Variants in NALF1 observed in about 807,000 individuals in gnomAD.
NALF1 encodes NALCN channel auxiliary factor 1, also known as family with sequence similarity 155 member A.
Under a neutral mutation model 48.4 loss-of-function variants are expected in NALF1, and 3 were observed. The observed-to-expected ratio is 0.06, with a 90% CI of 0.03 to 0.16. The LOEUF is 0.16. Among genes scored for constraint, NALF1 ranks in the 10% least tolerant of loss-of-function variants. The pLI is 1.00. For missense variants in NALF1, 526 were observed against 571.5 expected (o/e 0.92, Z 0.81); for synonymous variants, 262 against 245.7 (o/e 1.07, Z -0.62).
chr13:107,553,355 T>G (rs1008691202), intron 1 of NALF1, among the ~76,000 whole-genome samples: 2 of 152,188 alleles, frequency 1.3e-5, no homozygotes, highest in Non-Finnish European at 2.9e-5. Context: ...CTTATATACA[T>G]GTTACCTGAC....
chr13:107,583,519 C>A (rs1484239949), intron 1 of NALF1, among the ~76,000 whole-genome samples: 1 of 152,110 alleles, frequency 6.6e-6, no homozygotes, highest in African/African-American at 2.4e-5. Context: ...TCCATCAGAA[C>A]AAGACTATTA....
At chr13:107,686,690 G>A (rs961180719) in intron 1 of NALF1, among the ~76,000 whole-genome samples, 7 of 152,096 alleles carry the variant, frequency 4.6e-5, no homozygotes, top group Admixed American at 3.3e-4. Context: ...GCCCACAATC[G>A]TGACAAAATG....
chr13:107,785,682 C>T (rs1756795863), intron 1 of NALF1, among the ~76,000 whole-genome samples: 1 of 152,134 alleles, frequency 6.6e-6, no homozygotes, highest in Non-Finnish European at 1.5e-5. Context: ...CACTTGTACC[C>T]CAATAACCTG....
At chr13:107,529,859 G>C (rs183639473) in intron 1 of NALF1, among the ~76,000 whole-genome samples, 2 of 152,154 alleles carry the variant, frequency 1.3e-5, no homozygotes, top group Admixed American at 1.3e-4. Context: ...GATGCAGTTG[G>C]CTAGTTACAA....
intron 1 of NALF1, among the ~76,000 whole-genome samples, chr13:107,682,166 T>C (rs1881321104): frequency 6.6e-6 from 1 of 152,216 alleles, no homozygotes; most frequent in Non-Finnish European, 1.5e-5. Flanking sequence ...CAGGCCCGCA[T>C]TGATTCCTCT....
At chr13:107,201,106 G>A (rs1045786012) in intron 2 of NALF1, among the ~76,000 whole-genome samples, 3 of 152,104 alleles carry the variant, frequency 2.0e-5, no homozygotes, top group Non-Finnish European at 4.4e-5. Flanking sequence ...CTTTCCATGT[G>A]ATCCCTTCCA....
intron 1 of NALF1, among the ~76,000 whole-genome samples, chr13:107,320,172 G>A (rs917745482): frequency 3.3e-5 from 5 of 151,992 alleles, no homozygotes; most frequent in East Asian, 1.9e-4. Flanking sequence ...TTTTAAAGAT[G>A]TGCCTAAAAA....
At chr13:107,479,834 T>C (rs1198550315) in intron 1 of NALF1, among the ~76,000 whole-genome samples, 2 of 152,164 alleles carry the variant, frequency 1.3e-5, no homozygotes, top group African/African-American at 2.4e-5. Context: ...TTAAGTAGAT[T>C]ATATTTCAAG....
intron 1 of NALF1, among the ~76,000 whole-genome samples, chr13:107,656,225 A>T (rs373652186): frequency 1.2e-4 from 18 of 152,204 alleles, no homozygotes; most frequent in East Asian, 5.8e-4. Context: ...TAACAGGACC[A>T]CAGAGTGGGA....
chr13:107,834,085 C>T (rs956688134), intron 1 of NALF1, among the ~76,000 whole-genome samples: 1 of 152,044 alleles, frequency 6.6e-6, no homozygotes, highest in Non-Finnish European at 1.5e-5. Context: ...GAATTAAACA[C>T]CAATTTTAAA....
intron 1 of NALF1, among the ~76,000 whole-genome samples, chr13:107,221,900 T>C (rs1197592146): frequency 1.3e-5 from 2 of 152,180 alleles, no homozygotes; most frequent in East Asian, 3.9e-4. Flanking sequence ...AAGAAATATC[T>C]TTTCTGGGGT....
At chr13:107,302,362 T>C (rs1011846973) in intron 1 of NALF1, among the ~76,000 whole-genome samples, 1 of 152,308 alleles carries the variant, frequency 6.6e-6, no homozygotes, top group Admixed American at 6.5e-5. Context: ...GACAGAGGGC[T>C]ACCAAGGAAG....
At chr13:107,743,472 A>T (rs949406805) in intron 1 of NALF1, among the ~76,000 whole-genome samples, 1 of 152,244 alleles carries the variant, frequency 6.6e-6, no homozygotes, top group Non-Finnish European at 1.5e-5. Context: ...GGGAATAAGA[A>T]TGAAAGCACA....
rs1349344061 is a variant in NALF1, at chr13:107,866,986, AG to A, written c.-391del. ...TGCAGGGGGCGATGGTGGAGGTGAC[AG>A]GGTGGCTGGCGCGGCTCCGGTCACC... On this transcript the variant is annotated 5_prime_UTR_variant, in exon 1 of 3. Transcript: ENST00000375915. This position sits in a 1 kb window ranked among gnomAD's most constrained non-coding sequence, Gnocchi z 4.4. 6.6e-6 allele frequency among the ~76,000 whole-genome samples: 1 copy of A among 151,766 alleles called. No individual in the cohort carries two copies. Among genetic ancestry groups the A allele is most frequent in the East Asian group, 2.0e-4 (1 of 5,084 alleles).
At chr13:107,176,321 T>G (rs1271747720) in intron 2 of NALF1, among the ~76,000 whole-genome samples, 4 of 149,020 alleles carry the variant, frequency 2.7e-5, no homozygotes, top group South Asian at 2.1e-4. Context: ...TCACAGTTTT[T>G]TTTTTTTTTT....
chr13:107,173,514 A>G (rs1416064478), intron 2 of NALF1, among the ~76,000 whole-genome samples: 1 of 152,120 alleles, frequency 6.6e-6, no homozygotes, highest in East Asian at 1.9e-4. Context: ...AGCTGCATGA[A>G]GTGTTCTATC....
chr13:107,614,861 TC>T (rs1410107467), intron 1 of NALF1, among the ~76,000 whole-genome samples: 1 of 152,006 alleles, frequency 6.6e-6, no homozygotes, highest in Non-Finnish European at 1.5e-5. Context: ...CACTGAAACT[TC>T]CGCCTCTCGG....
intron 1 of NALF1, among the ~76,000 whole-genome samples, chr13:107,624,758 C>T (rs1879621079): frequency 6.6e-6 from 1 of 152,198 alleles, no homozygotes; most frequent in Non-Finnish European, 1.5e-5. Context: ...CTCAATTCCT[C>T]ACTGCATTAA....
intron 1 of NALF1, among the ~76,000 whole-genome samples, chr13:107,221,306 G>C (rs907381459): frequency 6.6e-6 from 1 of 152,172 alleles, no homozygotes; most frequent in African/African-American, 2.4e-5. Flanking sequence ...GGCCAGGCAT[G>C]GTGGCTCATG....
Sources: allele counts gnomAD v4.1 joint callset (sites outside exome capture counted in the v4.1 genomes callset), GRCh38; gene constraint gnomAD v4.1.1; non-coding constraint Gnocchi (gnomAD v3.1); transcripts MANE v1.5; gene names NCBI Gene and HGNC (gene_info 2026-07-23, HGNC 2026-07-21).